Variants in CERCAM observed in about 807,000 individuals in gnomAD.
The protein encoded by CERCAM is cerebral endothelial cell adhesion molecule.
Under a neutral mutation model 66.0 loss-of-function variants are expected in CERCAM, and 59 were observed. That is an observed-to-expected ratio of 0.89 (90% confidence interval 0.73 to 1.11). The LOEUF is 1.11. Among genes scored for constraint, CERCAM ranks in the 50% most tolerant of loss-of-function variants. The pLI is 0.00. For synonymous variants in CERCAM, 318 were observed against 343.6 expected (o/e 0.93, Z 0.83); for missense variants, 840 against 828.3 (o/e 1.01, Z -0.17).
In CERCAM at chr9:128,420,882, G is replaced by C. The variant is rs1833692587; in HGVS notation, c.5G>C (p.Arg2Pro). 7.7e-7 allele frequency: 1 copy of C among 1,290,870 alleles called. No homozygotes were observed. The highest frequency in any genetic ancestry group is 2.7e-4 in the Middle Eastern group (1 of 3,678). The allele number at this position is 1,290,870 out of a possible 1,614,324, so 80.0% of individuals were successfully genotyped here. A position where few individuals can be genotyped will look rare whatever the true frequency, so the allele number is the denominator to read the frequency against. Residue 2 changes from arginine to proline, a missense_variant, in exon 1 of 13, where the codon CGC becomes CCC. Arg to Pro is a moderately radical substitution (Grantham distance 103, BLOSUM62 -2). Transcript: ENST00000372838. The surrounding 1 kb of genome is among the most constrained non-coding windows in gnomAD (Gnocchi z 5.0). ...GCAGCCGCCCAAGCGCCCGCCATGC[G>C]CGCTGCCCGCGCCGCGCCGCTGCTC... MRAARAAPLLQL... is the reference protein window; with the variant it reads MPAARAAPLLQL...
At chr9:128,426,575 G>C (rs908916907) in intron 5 of CERCAM, among the ~76,000 whole-genome samples, 1 of 151,518 alleles carries the variant, frequency 6.6e-6, no homozygotes, top group Non-Finnish European at 1.5e-5. Flanking sequence ...AGCCGAGATC[G>C]CGCCACTGCA....
In CERCAM at chr9:128,420,933, G is replaced by A. The variant is rs1833694061; in HGVS notation, c.56G>A (p.Trp19Ter). Reference protein sequence around the residue: ...LLQLLLLLGPWLEAAGVAESP... With the variant: ...LLQLLLLLGP ...CAGCTGCTGCTCCTGCTGGGGCCGT[G>A]GCTGGAGGCTGCGGGCGTTGCGGAG... Residue 19 changes from tryptophan (W) to a stop codon, truncating the protein, a stop_gained, in exon 1 of 13, where the codon TGG (tryptophan) becomes TAG (stop). Transcript: ENST00000372838. LOFTEE classifies it high-confidence loss of function. This position sits in a 1 kb window ranked among gnomAD's most constrained non-coding sequence, Gnocchi z 5.0. 1 of 1,447,968 alleles carries A rather than the reference G, an allele frequency of 6.9e-7. No homozygotes were observed. 89.7% of individuals were successfully genotyped at this position (1,447,968 alleles called of 1,614,324 possible).
chr9:128,430,381 C>A (rs1050408819), intron 8 of CERCAM, among the ~76,000 whole-genome samples: 1 of 151,456 alleles, frequency 6.6e-6, no homozygotes, highest in Non-Finnish European at 1.5e-5. Context: ...CAGCCTGGGC[C>A]GACAACAGTG....
chr9:128,423,286 G>A (rs376104878), intron 3 of CERCAM, 23 bp downstream of exon 3: 37 of 1,594,352 alleles, frequency 2.3e-5, no homozygotes, highest in African/African-American at 1.2e-4. Flanking sequence ...GGCTAGAATC[G>A]GGCTTCTGAA....
At chr9:128,427,019 G>C (rs1341292891) in intron 5 of CERCAM, among the ~76,000 whole-genome samples, 1 of 152,216 alleles carries the variant, frequency 6.6e-6, no homozygotes, top group Non-Finnish European at 1.5e-5. Flanking sequence ...TCAATGGTTT[G>C]AAGGAATTCA....
In CERCAM at chr9:128,434,151, G is replaced by C; in HGVS notation, c.1253G>C (p.Arg418Pro). Residue 418 changes from arginine (R) to proline (P), a missense_variant, in exon 10 of 13, where the codon CGC (arginine) becomes CCC (proline). Transcript: ENST00000372838. This position sits in a 1 kb window ranked among gnomAD's most constrained non-coding sequence, Gnocchi z 4.5. ...GTCCTGGTGTTTGAGGATGACGTGC[G>C]CTTTGAGAGCAACTTCAGGGGGCGG... ...ARVLVFEDDVRFESNFRGRLE... is the reference protein window; with the variant it reads ...ARVLVFEDDVPFESNFRGRLE... 1 of 1,614,120 alleles carries C rather than the reference G, an allele frequency of 6.2e-7. No individual in the cohort carries two copies. The highest frequency in any genetic ancestry group is 8.5e-7 in the Non-Finnish European group (1 of 1,180,006).
intron 8 of CERCAM, among the ~76,000 whole-genome samples, chr9:128,430,275 G>C (rs963817183): frequency 6.6e-6 from 1 of 152,190 alleles, no homozygotes; most frequent in African/African-American, 2.4e-5. Flanking sequence ...GGTAGTGGGT[G>C]CCTGTAATCT....
intron 9 of CERCAM, among the ~76,000 whole-genome samples, chr9:128,432,859 G>A (rs1001226267): frequency 6.6e-6 from 1 of 151,548 alleles, no homozygotes; most frequent in Non-Finnish European, 1.5e-5. Flanking sequence ...AAAATAGCAG[G>A]AGGCCAGGCC....
chr9:128,424,380 C>T, intron 4 of CERCAM, 30 bp from the exon 5 acceptor site: 1 of 1,613,396 alleles, frequency 6.2e-7, no homozygotes, highest in Non-Finnish European at 8.5e-7. Flanking sequence ...GGGGAGCCCT[C>T]TCACAGCCCA....
At chr9:128,419,163 C>T (rs1333137546), upstream of CERCAM, 1 of 152,224 alleles carries the variant, frequency 6.6e-6, no homozygotes, top group Non-Finnish European at 1.5e-5. Flanking sequence ...ATTGCAGGGC[C>T]GCTGGCCTAG....
At chr9:128,435,552 T>A in intron 11 of CERCAM, 101 bp from the exon 12 acceptor site, 1 of 1,308,750 alleles carries the variant, frequency 7.6e-7, no homozygotes, top group South Asian at 1.5e-5. Context: ...TGGCGGGGAG[T>A]GAGGTGCTTT....
In CERCAM at chr9:128,421,092, TGGCACCGAGTG is replaced by T; in HGVS notation, c.197+25_197+35del. ...GCCCTCTGGTGAGAGACCCGGGCATTGGCACCGAGTGGGCACCTAACCCCCAGCTTCGCAGA... is the reference window on the plus strand; with the variant it reads ...GCCCTCTGGTGAGAGACCCGGGCATTGGCACCTAACCCCCAGCTTCGCAGA... On this transcript the variant is annotated intron_variant, in intron 1 of 12. Coordinates refer to ENST00000372838, the MANE Select transcript of CERCAM (RefSeq NM_016174.5). The T allele has an allele frequency of 7.8e-7, 1 of 1,279,082 alleles. No homozygotes were observed. The highest frequency in any genetic ancestry group is 9.9e-7 in the Non-Finnish European group (1 of 1,010,764). 79.2% of individuals were successfully genotyped at this position (1,279,082 alleles called of 1,614,324 possible).
chr9:128,428,949 C>G lies in CERCAM; in HGVS notation c.983C>G (p.Ala328Gly). The change falls in exon 8 of 13, where the codon GCT (alanine) becomes GGT (glycine). Residue 328 changes from alanine to glycine, a missense_variant. Coordinates refer to ENST00000372838, the MANE Select transcript of CERCAM (RefSeq NM_016174.5). Reference protein sequence around the residue: ...GFDEVFVISLARRPDRRERML... With the variant: ...GFDEVFVISLGRRPDRRERML... ...CTCCAGGTCTTTGTCATCAGCCTGG[C>G]TCGCAGGCCTGACCGTCGGGAACGC... is the stretch of plus-strand genomic sequence containing the variant. 1 of 1,609,750 alleles carries G rather than the reference C, an allele frequency of 6.2e-7. No individual in the cohort carries two copies. Among genetic ancestry groups the G allele is most frequent in the Admixed American group, 1.7e-5 (1 of 59,488 alleles).
chr9:128,426,100 G>C (rs1208610356), intron 5 of CERCAM, among the ~76,000 whole-genome samples: 1 of 151,254 alleles, frequency 6.6e-6, no homozygotes, highest in Non-Finnish European at 1.5e-5. Flanking sequence ...CACCGCCCCC[G>C]GCTGCGAGAT....
intron 1 of CERCAM, chr9:128,422,411 A>C (rs28415663): frequency 0.2 from 30,814 of 157,758 alleles, 3,154 homozygotes; most frequent in East Asian, 0.37. Flanking sequence ...CTACTAAACA[A>C]ACAAAAATTA....
intron 9 of CERCAM, chr9:128,431,640 C>T (rs750100476): frequency 9.3e-5 from 21 of 226,910 alleles, no homozygotes; most frequent in Non-Finnish European, 1.7e-4. Flanking sequence ...CAAAACCAAG[C>T]TTGCAGTGGA....
In CERCAM at chr9:128,420,892, C is replaced by G; in HGVS notation, c.15C>G (p.Arg5=). 7.6e-7 allele frequency: 1 copy of G among 1,313,184 alleles called. No individual in the cohort carries two copies. Among genetic ancestry groups the G allele is most frequent in the Non-Finnish European group, 9.7e-7 (1 of 1,033,710 alleles). 81.3% of individuals were successfully genotyped at this position (1,313,184 alleles called of 1,614,324 possible). Residue 5 remains arginine (R), a synonymous_variant, in exon 1 of 13, where the codon CGC becomes CGG. Coordinates refer to ENST00000372838, the MANE Select transcript of CERCAM (RefSeq NM_016174.5). The surrounding 1 kb of genome is among the most constrained non-coding windows in gnomAD (Gnocchi z 5.0). ...AAGCGCCCGCCATGCGCGCTGCCCG[C>G]GCCGCGCCGCTGCTCCAGCTGCTGC... MRAA[R]AAPLLQLLLL... is the part of the protein sequence containing the mutation.
At chr9:128,429,157 C>A in intron 8 of CERCAM, 121 bp downstream of exon 8, 1 of 688,906 alleles carries the variant, frequency 1.5e-6, no homozygotes, top group Non-Finnish European at 2.4e-6. Flanking sequence ...ATGTAGTATC[C>A]AAATAGGGTC....
chr9:128,434,735 C>G lies in CERCAM; in HGVS notation c.1535+122C>G. The G allele has an allele frequency of 3.1e-6, 3 of 955,458 alleles. No homozygotes were observed. The highest frequency in any genetic ancestry group is 4.6e-6 in the Non-Finnish European group (3 of 646,392). 59.2% of individuals were successfully genotyped at this position (955,458 alleles called of 1,614,324 possible). A position where few individuals can be genotyped will look rare whatever the true frequency, so the allele number is the denominator to read the frequency against. On this transcript the variant is annotated intron_variant, in intron 11 of 12. Transcript: ENST00000372838. The surrounding 1 kb of genome is among the most constrained non-coding windows in gnomAD (Gnocchi z 4.5). ...GAGACTGGGACTGGCAAGGCCAAGC[C>G]ACTTGGCCCAGGTCACCAAGGAGTG...
Sources: allele counts gnomAD v4.1 joint callset (sites outside exome capture counted in the v4.1 genomes callset), GRCh38; gene constraint gnomAD v4.1.1; non-coding constraint Gnocchi (gnomAD v3.1); transcripts MANE v1.5; gene names NCBI Gene and HGNC (gene_info 2026-07-23, HGNC 2026-07-21).